The following LZTR1 variants were observed in gnomAD, a reference collection of about 807,000 sequenced individuals.
The protein encoded by LZTR1 is leucine zipper like post translational regulator 1, also known as leucine-zipper-like transcriptional regulator 1.
A neutral mutation model predicts 105.7 loss-of-function variants in LZTR1; 260 were observed. The observed-to-expected ratio is 2.46, with a 90% CI of 2.22 to 2.72. LZTR1 has a LOEUF of 2.72. Among genes scored for constraint, LZTR1 ranks in the 30% most tolerant of loss-of-function variants. LZTR1 has a pLI of 0.00. For missense variants in LZTR1, 1,214 were observed against 1,166.9 expected, an observed-to-expected ratio of 1.04 and a Z score of -0.59; for synonymous variants, 490 against 476.4, an observed-to-expected ratio of 1.03 and a Z score of -0.37.
At chr22:20,990,672 G>A (rs1924577323) in intron 8 of LZTR1, 147 bp downstream of exon 8, 1 of 829,090 alleles carries the variant, frequency 1.2e-6, no homozygotes, top group Non-Finnish European at 1.9e-6. Flanking sequence ...CCGGAGCAGG[G>A]ATGTGCGGTG....
intron 2 of LZTR1, among the ~76,000 whole-genome samples, chr22:20,984,130 G>T (rs1459051941): frequency 6.6e-6 from 1 of 152,120 alleles, no homozygotes; most frequent in Non-Finnish European, 1.5e-5. Context: ...GGCCTTACTT[G>T]GCCATCTGGA....
intron 20 of LZTR1, 54 bp downstream of exon 20, chr22:20,997,020 C>T (rs1376028308): frequency 2.5e-6 from 4 of 1,577,472 alleles, no homozygotes; most frequent in Non-Finnish European, 3.5e-6. Context: ...AGTGGCCATG[C>T]CCAGGCAGGG....
At chr22:20,989,012 T>C in intron 6 of LZTR1, 140 bp downstream of exon 6, 1 of 723,400 alleles carries the variant, frequency 1.4e-6, no homozygotes, top group Non-Finnish European at 2.4e-6. Flanking sequence ...TGGGGGTTTC[T>C]TGGGAGGGGG....
At chr22:20,995,459 G>C in intron 16 of LZTR1, 1 of 649,470 alleles carries the variant, frequency 1.5e-6, no homozygotes, top group East Asian at 3.2e-5. Context: ...GCCATGCAGT[G>C]GGCCTGGAGG....
chr22:20,998,324 C>T lies in LZTR1; in HGVS notation c.*976C>T, dbSNP rs1924955602. The T allele has an allele frequency of 6.6e-6, 1 of 152,370 alleles. No individual in the cohort carries two copies. The highest frequency in any genetic ancestry group is 1.5e-5 in the Non-Finnish European group (1 of 68,168). The allele number at this position is 152,370 out of a possible 1,614,324, so 9.4% of individuals were successfully genotyped here. On this transcript the variant is annotated 3_prime_UTR_variant, in exon 21 of 21. Coordinates refer to ENST00000646124, the MANE Select transcript of LZTR1 (RefSeq NM_006767.4). ...GCCCCTTCCAGGGGAATCCTGGAGG[C>T]CTGGGGTGGGCTCCTGCCCCTTCTG...
chr22:20,986,259 A>C (rs1004545151), intron 3 of LZTR1: 2 of 191,612 alleles, frequency 1.0e-5, no homozygotes, highest in Admixed American at 5.8e-5. Context: ...AATCATTCTG[A>C]AGGCTTCACA....
chr22:20,984,212 G>T (rs1176203091), intron 2 of LZTR1, among the ~76,000 whole-genome samples: 1 of 152,268 alleles, frequency 6.6e-6, no homozygotes, highest in African/African-American at 2.4e-5. Flanking sequence ...CACAGATGTT[G>T]GTTATTATCC....
intron 16 of LZTR1, 25 bp downstream of exon 16, chr22:20,995,051 TG>T: frequency 6.3e-7 from 1 of 1,590,712 alleles, no homozygotes. Flanking sequence ...TCCCCTTCCC[TG>T]GGGGCTGGGA....
In LZTR1 at chr22:20,998,491, CTTG is replaced by C. The variant is rs1436378188; in HGVS notation, c.*1148_*1150del. 3.9e-5 allele frequency: 6 copies of C among 152,338 alleles called. No individual in the cohort carries two copies. The highest frequency in any genetic ancestry group is 2.1e-4 in the South Asian group (1 of 4,840). 9.4% of individuals were successfully genotyped at this position (152,338 alleles called of 1,614,324 possible). On this transcript the variant is annotated 3_prime_UTR_variant, in exon 21 of 21. Coordinates refer to ENST00000646124, the MANE Select transcript of LZTR1 (RefSeq NM_006767.4). ...GGGAACAGGATTCCAGGACCCCTTT[CTTG>C]TTGTGGCTGCCATGAAGCCACAGCT... is the stretch of plus-strand genomic sequence containing the variant.
chr22:20,993,543 G>T (rs1924678363), intron 11 of LZTR1, 119 bp from the exon 12 acceptor site: 1 of 766,872 alleles, frequency 1.3e-6, no homozygotes. Flanking sequence ...AGGCCCACCT[G>T]CCTCCTGGGC....
chr22:20,990,767 G>A (rs767397283), intron 8 of LZTR1: 27 of 485,100 alleles, frequency 5.6e-5, no homozygotes, highest in South Asian at 1.9e-4. Flanking sequence ...CCCTCTGAAC[G>A]TGAAGGACGT....
At chr22:20,987,925 G>T in intron 4 of LZTR1, 85 bp from the exon 5 acceptor site, 2 of 819,582 alleles carry the variant, frequency 2.4e-6, no homozygotes, top group Admixed American at 2.1e-5. Flanking sequence ...ATTTTCAGGG[G>T]GGCCAGATTC....
At position 20,997,322 on chromosome 22, in the gene LZTR1, T is replaced by C. The variant is rs1924903090; in HGVS notation, c.2497T>C (p.Cys833Arg). 1.2e-6 allele frequency: 2 copies of C among 1,613,462 alleles called. No homozygotes were observed. The highest frequency in any genetic ancestry group is 1.7e-6 in the Non-Finnish European group (2 of 1,179,852). ...SLASHISDKQCAELGADI is the reference protein window; with the variant it reads ...SLASHISDKQRAELGADI ...GGCCTCCCACATCTCAGACAAGCAGTGCGCAGAGCTGGGCGCCGACATCTG... is the reference window on the plus strand; with the variant it reads ...GGCCTCCCACATCTCAGACAAGCAGCGCGCAGAGCTGGGCGCCGACATCTG... Residue 833 changes from cysteine to arginine, a missense_variant, in exon 21 of 21, where the codon TGC (cysteine) becomes CGC (arginine). By Grantham distance (180) the Cys-to-Arg change is radical. Coordinates refer to ENST00000646124, the MANE Select transcript of LZTR1 (RefSeq NM_006767.4).
In LZTR1 at chr22:20,992,838, C is replaced by A. The variant is rs557960320; in HGVS notation, c.1194C>A (p.Asp398Glu). 5.0e-6 allele frequency: 8 copies of A among 1,609,592 alleles called. No homozygotes were observed. The highest frequency in any genetic ancestry group is 3.3e-5 in the South Asian group (3 of 90,108). The change falls in exon 11 of 21, where the codon GAC becomes GAA. Residue 398 changes from aspartate (D) to glutamate (E), a missense_variant. Asp to Glu is a conservative substitution (Grantham distance 45, BLOSUM62 2). Coordinates refer to ENST00000646124, the MANE Select transcript of LZTR1 (RefSeq NM_006767.4). Reference protein sequence around the residue: ...RLFHAAAVISDAMYIFGGTVD... With the variant: ...RLFHAAAVISEAMYIFGGTVD... ...TCCACGCGGCTGCTGTCATCTCGGA[C>A]GCCATGTACATCTTCGGGGGCACGG...
At chr22:20,994,468 A>G in intron 14 of LZTR1, 90 bp from the exon 15 acceptor site, 2 of 1,432,652 alleles carry the variant, frequency 1.4e-6, no homozygotes, top group East Asian at 2.3e-5. Flanking sequence ...TAGTGGCCCC[A>G]GCCCACACTC....
At chr22:20,988,198 C>T in intron 5 of LZTR1, 80 bp downstream of exon 5, 3 of 881,868 alleles carry the variant, frequency 3.4e-6, no homozygotes, top group Middle Eastern at 2.2e-4. Context: ...CTTTTGCCTC[C>T]CAGATGAGGA....
At chr22:20,996,453 C>T (rs1241587169) in intron 18 of LZTR1, 3 of 593,756 alleles carry the variant, frequency 5.1e-6, no homozygotes, top group African/African-American at 3.7e-5. Context: ...GTCAGGATGC[C>T]TGTTAGGCCT....
At chr22:20,991,932 G>C (rs1163286447) in intron 9 of LZTR1, 103 bp downstream of exon 9, 2 of 1,156,528 alleles carry the variant, frequency 1.7e-6, no homozygotes, top group African/African-American at 3.1e-5. Context: ...TGGGGTTCCA[G>C]ACAGCTACCA....
In LZTR1 at chr22:20,993,750, G is replaced by C. The variant is rs756486259; in HGVS notation, c.1349G>C (p.Gly450Ala). ...RQFCDVEFVL[G>A]EKEECVQGHV... Reference sequence around the variant, plus strand: ...TTCTGCGACGTGGAGTTCGTGCTGGGTGAGGTGGGTGCCTGTCCTCGCACC... The same window carrying C: ...TTCTGCGACGTGGAGTTCGTGCTGGCTGAGGTGGGTGCCTGTCCTCGCACC... The change falls in exon 12 of 21, where the codon GGT (glycine) becomes GCT (alanine). Residue 450 changes from glycine (G) to alanine (A), a missense_variant. Coordinates refer to ENST00000646124, the MANE Select transcript of LZTR1 (RefSeq NM_006767.4). 6.2e-7 allele frequency: 1 copy of C among 1,612,462 alleles called. No homozygotes were observed. The highest frequency in any genetic ancestry group is 8.5e-7 in the Non-Finnish European group (1 of 1,179,610).
Sources: gnomAD v4.1 joint callset for allele counts (sites outside exome capture counted in the v4.1 genomes callset) on GRCh38, gnomAD v4.1.1 for gene constraint, MANE v1.5 for transcripts, NCBI Gene and HGNC (gene_info 2026-07-23, HGNC 2026-07-21) for gene names.